Variants in SPTA1 observed in about 807,000 individuals in gnomAD.
SPTA1 encodes the protein spectrin alpha chain, erythrocytic 1.
SPTA1 carries 177 observed loss-of-function variants against 324.7 expected under a neutral mutation model. That is an observed-to-expected ratio of 0.55 (90% confidence interval 0.48 to 0.62). SPTA1 has a LOEUF of 0.62. Among genes scored for constraint, SPTA1 ranks in the 20% least tolerant of loss-of-function variants. The pLI is 0.00. For synonymous variants in SPTA1, 1,195 were observed against 1,041.3 expected (o/e 1.15, Z -2.84); for missense variants, 3,162 against 2,883.6 (o/e 1.10, Z -2.21).
intron 18 of SPTA1, among the ~76,000 whole-genome samples, 200 bp downstream of exon 18, chr1:158,661,087 T>A (rs1653173160): frequency 1.3e-5 from 2 of 152,200 alleles, no homozygotes; most frequent in Non-Finnish European, 2.9e-5. Context: ...CAAATAGTGG[T>A]TCACAGGATT....
chr1:158,652,496 G>T lies in SPTA1; in HGVS notation c.3346C>A (p.Leu1116Met). ...TGVELDDVWE[L>M]QKKFDEFQKD... Reference sequence around the variant, plus strand: ...TGGAACTCATCAAACTTTTTCTGCAGCTCCCAAACATCATCTAGTTCCACT... The same window carrying T: ...TGGAACTCATCAAACTTTTTCTGCATCTCCCAAACATCATCTAGTTCCACT... Residue 1116 changes from leucine to methionine, a missense_variant, in exon 23 of 52, where the codon CTG becomes ATG. By Grantham distance (15) the Leu-to-Met change is conservative. Transcript: ENST00000643759. 1 of 1,614,146 alleles carries T rather than the reference G, an allele frequency of 6.2e-7. No individual in the cohort carries two copies. Among genetic ancestry groups the T allele is most frequent in the Admixed American group, 1.7e-5 (1 of 60,018 alleles).
chr1:158,635,090 A>T (rs1485577458), intron 38 of SPTA1, among the ~76,000 whole-genome samples: 2 of 152,278 alleles, frequency 1.3e-5, no homozygotes, highest in East Asian at 3.9e-4. Flanking sequence ...CCCCCAGGAA[A>T]AATGGAACTA....
Position 158,647,428 on chromosome 1 carries a change from C to A in SPTA1, c.3896+111G>T, listed in dbSNP as rs1397813031. 47 of 1,377,466 alleles carry A rather than the reference C, an allele frequency of 3.4e-5. 1 individual carries two copies. The Admixed American group carries it at 6.3e-4, about 18-fold the overall frequency. The allele number at this position is 1,377,466 out of a possible 1,614,324, so 85.3% of individuals were successfully genotyped here. ...TTTTTATGCCTTGCAAGAGGTGAGACTTAAACGTAGTGATGCCCTCCAAAA... is the reference window on the plus strand; with the variant it reads ...TTTTTATGCCTTGCAAGAGGTGAGAATTAAACGTAGTGATGCCCTCCAAAA... On this transcript the variant is annotated intron_variant, in intron 27 of 51. Coordinates refer to ENST00000643759, the MANE Select transcript of SPTA1 (RefSeq NM_003126.4).
chr1:158,638,936 C>A lies in SPTA1; in HGVS notation c.4980+646G>T, dbSNP rs114250076. Reference sequence around the variant, plus strand: ...GCAACATTCTTAGCTGCCCATTGAACACATCTATCTCTTCTGTGTCTACTC... The same window carrying A: ...GCAACATTCTTAGCTGCCCATTGAAAACATCTATCTCTTCTGTGTCTACTC... On this transcript the variant is annotated intron_variant, in intron 35 of 51. Transcript: ENST00000643759. Among the ~76,000 whole-genome samples, 1,123 of 152,174 alleles carry A rather than the reference C, an allele frequency of 7.4e-3. 9 individuals are homozygous for A. The highest frequency in any genetic ancestry group is 0.025 in the African/African-American group (1,049 of 41,516).
In SPTA1 at chr1:158,613,866, G is replaced by T. The variant is rs763219346; in HGVS notation, c.6844C>A (p.His2282Asn). Residue 2282 changes from histidine to asparagine, a missense_variant and splice_region_variant, in exon 50 of 52, where the codon CAC (histidine) becomes AAC (asparagine). Transcript: ENST00000643759. ...CGCCCTGTCAAATTCTCATCAAAGT[G>T]TCTAAAGGATAAAAAAAGAAAAAAA... ...TLKEFSTIYK[H>N]FDENLTGRLT... 11 of 1,613,486 alleles carry T rather than the reference G, an allele frequency of 6.8e-6. No individual in the cohort carries two copies. In the African/African-American group the frequency reaches 1.5e-4, roughly 22 times the overall value.
rs140903819 is a variant in SPTA1, at chr1:158,625,157, A to G, written c.5910+989T>C. Among the ~76,000 whole-genome samples the G allele has an allele frequency of 1.5e-4, 23 of 152,348 alleles. No homozygotes were observed. The East Asian group carries it at 4.2e-3, about 28-fold the overall frequency. On this transcript the variant is annotated intron_variant, in intron 42 of 51. Transcript: ENST00000643759. ...CAAAAGGCACATACAAAATATGGAG[A>G]TAAAAATGTTTCAAAAAACCCTAAA...
chr1:158,615,031 CTT>C (rs1649471008), intron 48 of SPTA1, 183 bp downstream of exon 48: 1 of 681,322 alleles, frequency 1.5e-6, no homozygotes, highest in South Asian at 1.8e-5. Flanking sequence ...AGAGCACTGT[CTT>C]TTATTTCATG....
chr1:158,617,403 G>C lies in SPTA1; in HGVS notation c.6600+134C>G, dbSNP rs1019022183. 1.1e-5 allele frequency: 8 copies of C among 730,214 alleles called. No individual in the cohort carries two copies. The African/African-American group carries it at 1.2e-4, about 11-fold the overall frequency. 45.2% of individuals were successfully genotyped at this position (730,214 alleles called of 1,614,324 possible). On this transcript the variant is annotated intron_variant, in intron 47 of 51. Transcript: ENST00000643759. ...GTAGACTGAGGTTTATATTCATGAT[G>C]TGATGGCCTATGGTTAAAATGGACT...
At chr1:158,629,544 A>T (rs540390895) in intron 39 of SPTA1, among the ~76,000 whole-genome samples, 1 of 152,190 alleles carries the variant, frequency 6.6e-6, no homozygotes, top group African/African-American at 2.4e-5. Context: ...CAACGTGATA[A>T]AGTACATGTA....
chr1:158,611,508 C>G, intron 51 of SPTA1, 119 bp from the exon 52 acceptor site: 2 of 1,118,284 alleles, frequency 1.8e-6, no homozygotes, highest in South Asian at 2.9e-5. Context: ...GACGCAAGCC[C>G]TATTTCTATT....
chr1:158,630,699 G>T (rs1205369684), intron 39 of SPTA1, among the ~76,000 whole-genome samples: 1 of 151,842 alleles, frequency 6.6e-6, no homozygotes, highest in African/African-American at 2.4e-5. Context: ...GAGTGAAAAG[G>T]CAGCCCACTG....
chr1:158,670,893 T>A (rs76143620), intron 12 of SPTA1, among the ~76,000 whole-genome samples: 1 of 151,570 alleles, frequency 6.6e-6, no homozygotes, highest in Non-Finnish European at 1.5e-5. Context: ...TGAAAAAAAA[T>A]AAAATTTCTA....
chr1:158,641,146 AC>A (rs1311662622), intron 33 of SPTA1, among the ~76,000 whole-genome samples: 1 of 152,226 alleles, frequency 6.6e-6, no homozygotes, highest in Non-Finnish European at 1.5e-5. Flanking sequence ...TAAACCTTAT[AC>A]AAAAATTAAT....
At chr1:158,615,942 T>C (rs1649532376) in intron 47 of SPTA1, among the ~76,000 whole-genome samples, 1 of 152,176 alleles carries the variant, frequency 6.6e-6, no homozygotes, top group Non-Finnish European at 1.5e-5. Context: ...CATGCAGACA[T>C]GTTTTATGCC....
At chr1:158,611,427 A>T in intron 51 of SPTA1, 38 bp from the exon 52 acceptor site, 1 of 1,611,704 alleles carries the variant, frequency 6.2e-7, no homozygotes, top group Non-Finnish European at 8.5e-7. Context: ...AGTTATAGGG[A>T]TTCAAAATAG....
At chr1:158,685,003 T>G (rs1199355383) in intron 2 of SPTA1, 105 bp downstream of exon 2, 4 of 1,366,840 alleles carry the variant, frequency 2.9e-6, no homozygotes, top group Non-Finnish European at 4.2e-6. Context: ...AAACGGAATC[T>G]AATTGTACCC....
At chr1:158,684,400 T>G (rs1007091234) in intron 2 of SPTA1, among the ~76,000 whole-genome samples, 1 of 152,128 alleles carries the variant, frequency 6.6e-6, no homozygotes, top group Non-Finnish European at 1.5e-5. Flanking sequence ...TTTCCCTTCT[T>G]AATGTCCCAA....
chr1:158,680,871 GC>G, intron 4 of SPTA1, 142 bp from the exon 5 acceptor site: 1 of 1,096,176 alleles, frequency 9.1e-7, no homozygotes, highest in Non-Finnish European at 1.3e-6. Context: ...CCTGGAAAAG[GC>G]CAGCAGCAGA....
At chr1:158,619,850 G>A (rs1330134178) in intron 44 of SPTA1, among the ~76,000 whole-genome samples, 1 of 152,106 alleles carries the variant, frequency 6.6e-6, no homozygotes, top group African/African-American at 2.4e-5. Flanking sequence ...TTGAATGAGG[G>A]GGATATGTAG....
Sources: gnomAD v4.1 joint callset for allele counts (sites outside exome capture counted in the v4.1 genomes callset) on GRCh38, gnomAD v4.1.1 for gene constraint, MANE v1.5 for transcripts, NCBI Gene and HGNC (gene_info 2026-07-23, HGNC 2026-07-21) for gene names.